The following EIF2D variants were observed in gnomAD, a reference collection of about 807,000 sequenced individuals.
The protein encoded by EIF2D is hepatocellular carcinoma-associated antigen 56.
In EIF2D, 56 loss-of-function variants were observed where a neutral mutation model predicts 77.4. The observed-to-expected ratio is 0.72, with a 90% CI of 0.58 to 0.90. The LOEUF (loss-of-function observed/expected upper bound fraction) is 0.90. Among genes scored for constraint, EIF2D ranks in the 40% least tolerant of loss-of-function variants. EIF2D has a pLI of 0.00. For synonymous variants in EIF2D, 230 were observed against 271.0 expected, an observed-to-expected ratio of 0.85 and a Z score of 1.49; for missense variants, 574 against 706.5, an observed-to-expected ratio of 0.81 and a Z score of 2.13.
chr1:206,580,296 AGCTT>A (rs1348263641), intron 4 of EIF2D, among the ~76,000 whole-genome samples: 6 of 152,238 alleles, frequency 3.9e-5, no homozygotes, highest in Non-Finnish European at 7.3e-5. Flanking sequence ...AAATGGCTCT[AGCTT>A]GATTGGAAAC....
Position 206,602,423 on chromosome 1 carries a change from A to G in EIF2D, c.815T>C (p.Phe272Ser). Residue 272 changes from phenylalanine (F) to serine (S), a missense_variant, in exon 7 of 15, where the codon TTC becomes TCC. Phe to Ser is a radical substitution (Grantham distance 155). Coordinates refer to ENST00000271764, the MANE Select transcript of EIF2D (RefSeq NM_006893.3). ...GACTCGGCACTTCAAGGCATGTAAG[A>G]AGCATTGCTGTAACAGCTCATCCAT... ...EQMDELLQQC[F>S]LHALKCRVKK... 6.2e-7 allele frequency: 1 copy of G among 1,614,252 alleles called. No homozygotes were observed. Among genetic ancestry groups the G allele is most frequent in the Non-Finnish European group, 8.5e-7 (1 of 1,180,042 alleles).
In EIF2D at chr1:206,605,400, C is replaced by T. The variant is rs782187300; in HGVS notation, c.530G>A (p.Trp177Ter). 1 of 1,613,558 alleles carries T rather than the reference C, an allele frequency of 6.2e-7. No homozygotes were observed. The highest frequency in any genetic ancestry group is 8.5e-7 in the Non-Finnish European group (1 of 1,179,622). ...AAAACAGAAGAAACTCTGTACCCAC[C>T]ACAAGTGGTCCTGGTAAGTGTGGAG... ...SVLHTYQDHL[W>*]RSGNKSSPPS... Residue 177 changes from tryptophan (W) to a stop codon, truncating the protein, a stop_gained and splice_region_variant, in exon 5 of 15, where the codon TGG (tryptophan) becomes TAG (stop). Transcript: ENST00000271764. LOFTEE classifies it high-confidence loss of function.
intron 8 of EIF2D, among the ~76,000 whole-genome samples, chr1:206,600,037 C>A (rs1669846603): frequency 6.6e-6 from 1 of 152,158 alleles, no homozygotes; most frequent in Admixed American, 6.5e-5. Flanking sequence ...TGAGGCCGTT[C>A]AGAACTCTAA....
intron 4 of EIF2D, among the ~76,000 whole-genome samples, chr1:206,573,327 G>A (rs1241251088): frequency 2.0e-5 from 3 of 152,192 alleles, no homozygotes; most frequent in Non-Finnish European, 4.4e-5. Flanking sequence ...GAGGCATATA[G>A]ATTTTCTGAC....
intron 2 of EIF2D, chr1:206,585,155 C>A (rs1553407330): frequency 1.3e-6 from 2 of 1,581,530 alleles, no homozygotes; most frequent in South Asian, 1.1e-5. Flanking sequence ...GGGAAGAGCT[C>A]CCAGCACCCT....
chr1:206,584,640 C>A lies in EIF2D; in HGVS notation c.139-3478G>T. On this transcript the variant is annotated intron_variant and NMD_transcript_variant, in intron 2 of 5. Transcript: ENST00000472709. The surrounding 1 kb of genome is among the most constrained non-coding windows in gnomAD (Gnocchi z 4.9). The stretch of plus-strand genomic sequence containing the variant: ...AAGAAGTTCATGGTTGTGGACAATC[C>A]CCAGAAGTTTGCACTTTTTAAGCGG... The A allele has an allele frequency of 6.2e-7, 1 of 1,614,156 alleles. No individual in the cohort carries two copies. The highest frequency in any genetic ancestry group is 8.5e-7 in the Non-Finnish European group (1 of 1,180,040).
At chr1:206,583,240 A>G (rs1031405011) in intron 2 of EIF2D, 1 of 1,456,850 alleles carries the variant, frequency 6.9e-7, no homozygotes, top group South Asian at 1.1e-5. Context: ...ACTACTACAC[A>G]TCCACCTCCA....
At position 206,583,090 on chromosome 1, in the gene EIF2D, C is replaced by A. The variant is rs781879968; in HGVS notation, c.139-1928G>T. On this transcript the variant is annotated intron_variant and NMD_transcript_variant, in intron 2 of 5. Transcript: ENST00000472709. ...TACTTCTCCAGGAGGGCTGGCTAGA[C>A]ACTGGCACAGCTGCAATTTGACCTC... 7.2e-6 allele frequency: 4 copies of A among 552,912 alleles called. No individual in the cohort carries two copies. In the South Asian group the frequency reaches 7.8e-5, roughly 11 times the overall value. 34.3% of individuals were successfully genotyped at this position (552,912 alleles called of 1,614,324 possible).
At chr1:206,611,681 T>C (rs1376768348) in intron 1 of EIF2D, among the ~76,000 whole-genome samples, 9 of 152,220 alleles carry the variant, frequency 5.9e-5, no homozygotes, top group Non-Finnish European at 1.3e-4. Context: ...TGCCTAGCCC[T>C]TGGGCCCACT....
At position 206,612,359 on chromosome 1, in the gene EIF2D, T is replaced by G. The variant is rs782540673; in HGVS notation, c.-17A>C. 1.2e-6 allele frequency: 2 copies of G among 1,614,132 alleles called. No individual in the cohort carries two copies. The highest frequency in any genetic ancestry group is 4.5e-5 in the East Asian group (2 of 44,876). On this transcript the variant is annotated 5_prime_UTR_variant, in exon 1 of 15. Coordinates refer to ENST00000271764, the MANE Select transcript of EIF2D (RefSeq NM_006893.3). Reference sequence around the variant, plus strand: ...GGCAAACATGTCTGCTGGGGTGGCCTGGGGAAGAGAGCACAGAAGCCAGGG... The same window carrying G: ...GGCAAACATGTCTGCTGGGGTGGCCGGGGGAAGAGAGCACAGAAGCCAGGG...
intron 2 of EIF2D, chr1:206,583,496 C>G: frequency 1.4e-6 from 1 of 737,396 alleles, no homozygotes; most frequent in South Asian, 1.5e-5. Flanking sequence ...TCCCTTTCCT[C>G]CGGCCTCCAG....
chr1:206,595,466 A>T (rs565449884), intron 13 of EIF2D: 3 of 299,918 alleles, frequency 1.0e-5, no homozygotes, highest in Non-Finnish European at 1.8e-5. Flanking sequence ...ATGAAAATAC[A>T]ATCTTGTTTA....
Position 206,599,386 on chromosome 1 carries a change from G to T in EIF2D, c.1202+77C>A. On this transcript the variant is annotated intron_variant, in intron 10 of 14. Coordinates refer to ENST00000271764, the MANE Select transcript of EIF2D (RefSeq NM_006893.3). The surrounding 1 kb of genome is among the most constrained non-coding windows in gnomAD (Gnocchi z 4.1). ...AGAGCAGGTTTTGCCAGTCGCAAAA[G>T]AGCACTACTCAGGTTGAGAGGAACT... is the stretch of plus-strand genomic sequence containing the variant. 5 of 1,559,778 alleles carry T rather than the reference G, an allele frequency of 3.2e-6. No individual in the cohort carries two copies. Among genetic ancestry groups the T allele is most frequent in the Non-Finnish European group, 4.3e-6 (5 of 1,151,140 alleles).
At chr1:206,603,913 T>C (rs930639294) in intron 5 of EIF2D, among the ~76,000 whole-genome samples, 1 of 152,224 alleles carries the variant, frequency 6.6e-6, no homozygotes, top group Non-Finnish European at 1.5e-5. Context: ...CCAAAGGGTA[T>C]GTTTAGGCTA....
intron 3 of EIF2D, 30 bp from the exon 4 acceptor site, chr1:206,608,356 C>G: frequency 6.3e-7 from 1 of 1,583,860 alleles, no homozygotes; most frequent in Non-Finnish European, 8.6e-7. Context: ...TCACAACCTG[C>G]ATTCAGCCTC....
At chr1:206,595,934 T>C in intron 12 of EIF2D, 96 bp from the exon 13 acceptor site, 1 of 1,530,370 alleles carries the variant, frequency 6.5e-7, no homozygotes, top group Non-Finnish European at 8.9e-7. Context: ...AGGCTGAAAT[T>C]GCAGGTCCAC....
At chr1:206,610,833 C>A (rs1470073945) in intron 2 of EIF2D, among the ~76,000 whole-genome samples, 1 of 152,062 alleles carries the variant, frequency 6.6e-6, no homozygotes, top group African/African-American at 2.4e-5. Context: ...GAAGACATGC[C>A]CTGAAATTCC....
intron 14 of EIF2D, 115 bp downstream of exon 14, chr1:206,593,504 A>AGTGTGT (rs1476375070): frequency 9.9e-6 from 4 of 405,080 alleles, no homozygotes; most frequent in East Asian, 8.4e-5. Context: ...AGAGAGAGAG[A>AGTGTGT]GAGAGTGTGT....
intron 6 of EIF2D, 116 bp downstream of exon 6, chr1:206,602,835 C>T (rs921408749): frequency 3.5e-6 from 5 of 1,440,988 alleles, no homozygotes; most frequent in African/African-American, 1.4e-5. Context: ...AAAATAAGGA[C>T]CTTCCCCTCC....
Sources: gnomAD v4.1 joint callset for allele counts (sites outside exome capture counted in the v4.1 genomes callset) on GRCh38, gnomAD v4.1.1 for gene constraint, Gnocchi (gnomAD v3.1) non-coding constraint, MANE v1.5 for transcripts, NCBI Gene and HGNC (gene_info 2026-07-23, HGNC 2026-07-21) for gene names.